RSBN1L: variants seen among roughly 807,000 people sequenced by gnomAD.
The protein encoded by RSBN1L is lysine-specific demethylase RSBN1L.
RSBN1L carries 30 observed loss-of-function variants against 67.7 expected under a neutral mutation model. That is an observed-to-expected ratio of 0.44 (90% CI 0.33 to 0.60). RSBN1L has a LOEUF of 0.60. RSBN1L is among the 20% of genes least tolerant of loss of function. The probability of loss-of-function intolerance (pLI) is 0.02; values close to 1 mark genes in which losing one functional copy is unlikely to be tolerated. For synonymous variants in RSBN1L, 433 were observed against 387.0 expected, an observed-to-expected ratio of 1.12 and a Z score of -1.39; for missense variants, 992 against 1,031.7, an observed-to-expected ratio of 0.96 and a Z score of 0.53.
At chr7:77,750,735 TC>T (rs1337803503) in intron 3 of RSBN1L, among the ~76,000 whole-genome samples, 2 of 152,152 alleles carry the variant, frequency 1.3e-5, no homozygotes, top group Admixed American at 1.3e-4. Flanking sequence ...ATTGGCCAGT[TC>T]TCACATTTAT....
rs1039238042 is a variant in RSBN1L, at chr7:77,713,840, C to T, written c.586+16785C>T. Reference sequence around the variant, plus strand: ...TATTTCTTAGAAAAGTTATTTCTACCTTTAGTTCATAACAATATTTTCTTA... The same window carrying T: ...TATTTCTTAGAAAAGTTATTTCTACTTTTAGTTCATAACAATATTTTCTTA... On this transcript the variant is annotated intron_variant, in intron 1 of 7. Transcript: ENST00000334955. Among the ~76,000 whole-genome samples the T allele has an allele frequency of 9.2e-5, 14 of 152,156 alleles. 1 individual carries two copies. Among genetic ancestry groups the T allele is most frequent in the African/African-American group, 2.4e-4 (10 of 41,522 alleles).
chr7:77,775,927 A>G (rs900094795), intron 6 of RSBN1L, among the ~76,000 whole-genome samples: 1 of 152,074 alleles, frequency 6.6e-6, no homozygotes, highest in Non-Finnish European at 1.5e-5. Flanking sequence ...GTGGTGGCAC[A>G]CACCTGTAAT....
rs537372799 is a variant in RSBN1L at position 77,724,646 on chromosome 7, G to A, written c.587-11764G>A. Among the ~76,000 whole-genome samples the A allele has an allele frequency of 3.6e-4, 55 of 151,572 alleles. 1 individual carries two copies. The highest frequency in any genetic ancestry group is 1.3e-3 in the African/African-American group (53 of 41,362). On this transcript the variant is annotated intron_variant, in intron 1 of 7. Coordinates refer to ENST00000334955, the MANE Select transcript of RSBN1L (RefSeq NM_198467.3). ...TCACCCTGTTGGCCAGGCTGGTCTC[G>A]AACTCCCGACTTCAGGTGATCCACC... is the stretch of plus-strand genomic sequence containing the variant.
intron 1 of RSBN1L, among the ~76,000 whole-genome samples, chr7:77,700,369 C>G (rs1411757288): frequency 6.6e-6 from 1 of 152,136 alleles, no homozygotes; most frequent in Admixed American, 6.5e-5. Flanking sequence ...AGTACTTTTG[C>G]TTTGTATTTG....
chr7:77,771,103 G>A (rs1439489652), intron 5 of RSBN1L, among the ~76,000 whole-genome samples: 4 of 152,032 alleles, frequency 2.6e-5, no homozygotes, highest in African/African-American at 7.2e-5. Flanking sequence ...CACCACACCC[G>A]GCTAATTTTT....
At chr7:77,730,166 A>T (rs1271600373) in intron 1 of RSBN1L, among the ~76,000 whole-genome samples, 1 of 151,890 alleles carries the variant, frequency 6.6e-6, no homozygotes, top group Non-Finnish European at 1.5e-5. Flanking sequence ...TTGGGTTTAA[A>T]CTGTATCATA....
At chr7:77,742,972 G>A (rs1409701850) in intron 2 of RSBN1L, among the ~76,000 whole-genome samples, 1 of 152,198 alleles carries the variant, frequency 6.6e-6, no homozygotes, top group Non-Finnish European at 1.5e-5. Context: ...TTGCAAACAG[G>A]ACTGAGAATA....
chr7:77,735,941 A>G (rs73151611), intron 1 of RSBN1L, among the ~76,000 whole-genome samples: 2,771 of 152,208 alleles, frequency 0.018, 36 homozygotes, highest in Middle Eastern at 0.034. Flanking sequence ...GGCTCTATGT[A>G]GTCATTTTAT....
In RSBN1L at chr7:77,768,139, G is replaced by A. The variant is rs1445968228; in HGVS notation, c.1483-522G>A. Among the ~76,000 whole-genome samples, 3 of 152,064 alleles carry A rather than the reference G, an allele frequency of 2.0e-5. No individual in the cohort carries two copies. The East Asian group carries it at 5.8e-4, about 30-fold the overall frequency. ...CAAAGTGCTCGGATTACAGGCGTGA[G>A]CCACTGCGCGCCCAGCCTTGTTCTT... is the stretch of plus-strand genomic sequence containing the variant. On this transcript the variant is annotated intron_variant, in intron 4 of 7. Coordinates refer to ENST00000334955, the MANE Select transcript of RSBN1L (RefSeq NM_198467.3).
intron 3 of RSBN1L, among the ~76,000 whole-genome samples, chr7:77,754,248 C>T (rs1446879687): frequency 6.6e-6 from 1 of 152,160 alleles, no homozygotes; most frequent in East Asian, 1.9e-4. Context: ...CAGCTTTGTT[C>T]TTCAAGATTT....
At chr7:77,732,735 A>G (rs1405768692) in intron 1 of RSBN1L, among the ~76,000 whole-genome samples, 1 of 152,206 alleles carries the variant, frequency 6.6e-6, no homozygotes. Flanking sequence ...TTTCTTTGGG[A>G]TTATGGATAC....
At chr7:77,711,238 A>G (rs925205321) in intron 1 of RSBN1L, among the ~76,000 whole-genome samples, 1 of 152,166 alleles carries the variant, frequency 6.6e-6, no homozygotes, top group Non-Finnish European at 1.5e-5. Context: ...AAATTGAGTT[A>G]TCAGAATTGC....
rs892106097 is a variant in RSBN1L at position 77,779,909 on chromosome 7, A to G, written c.*741A>G. 3.3e-5 allele frequency: 5 copies of G among 150,592 alleles called. No homozygotes were observed. The highest frequency in any genetic ancestry group is 3.3e-4 in the Admixed American group (5 of 15,096). 9.3% of individuals were successfully genotyped at this position (150,592 alleles called of 1,614,324 possible). On this transcript the variant is annotated 3_prime_UTR_variant, in exon 8 of 8. Coordinates refer to ENST00000334955, the MANE Select transcript of RSBN1L (RefSeq NM_198467.3). Reference sequence around the variant, plus strand: ...AGTGGTGCGATCTCGGCTCACTGCAACCTCTGCCTCTCGGGTTCAAGTGAT... The same window carrying G: ...AGTGGTGCGATCTCGGCTCACTGCAGCCTCTGCCTCTCGGGTTCAAGTGAT...
At chr7:77,731,693 T>A (rs1358181097) in intron 1 of RSBN1L, among the ~76,000 whole-genome samples, 2 of 152,200 alleles carry the variant, frequency 1.3e-5, no homozygotes, top group South Asian at 2.1e-4. Context: ...GAACAGAAAA[T>A]TTTAATTTTA....
chr7:77,745,729 C>T (rs1310607058), intron 2 of RSBN1L, among the ~76,000 whole-genome samples: 1 of 152,140 alleles, frequency 6.6e-6, no homozygotes, highest in Non-Finnish European at 1.5e-5. Flanking sequence ...ATTTATTGTG[C>T]ACTTTATTTC....
intron 2 of RSBN1L, among the ~76,000 whole-genome samples, chr7:77,740,313 G>A (rs1489289581): frequency 1.1e-4 from 16 of 151,866 alleles, no homozygotes; most frequent in Non-Finnish European, 1.0e-4. Flanking sequence ...ATGATAAAGT[G>A]TGAGAACATG....
In RSBN1L at chr7:77,749,543, T is replaced by A. The variant is rs752025374; in HGVS notation, c.823T>A (p.Ser275Thr). ...KRKRPKMYSK[S>T]IQTICSGLLT... The stretch of plus-strand genomic sequence containing the variant: ...GAAGCGTCCGAAAATGTATAGCAAA[T>A]CTATTCAGACCATCTGCTCAGGATT... The change falls in exon 3 of 8, where the codon TCT becomes ACT. Residue 275 changes from serine to threonine, a missense_variant. Physicochemically the swap from Ser to Thr is moderately conservative, Grantham distance 58. This residue lies in a region of RSBN1L where 575 missense variants were observed against 483.2 expected (regional missense o/e 1.19). Transcript: ENST00000334955. 1 of 1,612,982 alleles carries A rather than the reference T, an allele frequency of 6.2e-7. No homozygotes were observed. The highest frequency in any genetic ancestry group is 1.7e-5 in the Admixed American group (1 of 59,802).
chr7:77,769,412 G>T (rs1371735701), intron 5 of RSBN1L, among the ~76,000 whole-genome samples: 1 of 152,202 alleles, frequency 6.6e-6, no homozygotes, highest in Non-Finnish European at 1.5e-5. Context: ...AGAGGAAGAT[G>T]TATTTAATGA....
chr7:77,717,532 T>C (rs910118907), intron 1 of RSBN1L, among the ~76,000 whole-genome samples: 3 of 152,218 alleles, frequency 2.0e-5, no homozygotes, highest in Admixed American at 6.5e-5. Context: ...AATCTGAGAT[T>C]AGCAGAGATA....
Sources: allele counts gnomAD v4.1 joint callset (sites outside exome capture counted in the v4.1 genomes callset), GRCh38; gene constraint gnomAD v4.1.1; regional missense constraint gnomAD v4.1.1; transcripts MANE v1.5; gene names NCBI Gene and HGNC (gene_info 2026-07-23, HGNC 2026-07-21).